SLC26A9: variants seen among roughly 807,000 people sequenced by gnomAD.
The protein encoded by SLC26A9 is solute carrier family 26 member 9, also known as anion transporter/exchanger protein 9.
SLC26A9 carries 46 observed loss-of-function variants against 87.1 expected under a neutral mutation model. The ratio of observed to expected loss-of-function variants is 0.53; its 90% CI spans 0.42 to 0.67. The LOEUF (loss-of-function observed/expected upper bound fraction) is 0.67, where lower values mean the gene tolerates loss of function less well. Ranked by LOEUF, SLC26A9 falls within the 30% of genes least tolerant of loss-of-function variation. SLC26A9 has a pLI of 0.00. For missense variants in SLC26A9, 927 were observed against 1,018.3 expected (o/e 0.91, Z 1.22); for synonymous variants, 437 against 409.1 (o/e 1.07, Z -0.82).
At chr1:205,934,974 C>T (rs1416124915) in intron 2 of SLC26A9, among the ~76,000 whole-genome samples, 1 of 152,196 alleles carries the variant, frequency 6.6e-6, no homozygotes, top group Non-Finnish European at 1.5e-5. Context: ...CAGCCGTTTC[C>T]CCAAGGGAGT....
At chr1:205,920,962 C>T (rs776467536) in intron 17 of SLC26A9, among the ~76,000 whole-genome samples, 5 of 152,246 alleles carry the variant, frequency 3.3e-5, no homozygotes, top group African/African-American at 1.2e-4. Context: ...GGGTATGGGG[C>T]CTGCCCTGCG....
chr1:205,921,076 C>T (rs547606859), intron 17 of SLC26A9, among the ~76,000 whole-genome samples: 3 of 152,362 alleles, frequency 2.0e-5, no homozygotes, highest in South Asian at 4.1e-4. Context: ...CCGCCATTGG[C>T]GGTGGCTGCT....
chr1:205,916,029 T>C (rs1658577603), intron 20 of SLC26A9, among the ~76,000 whole-genome samples: 1 of 152,200 alleles, frequency 6.6e-6, no homozygotes. Flanking sequence ...ATTCAGGGCA[T>C]TGGTGGGGTG....
At chr1:205,921,483 A>G (rs1658824204) in intron 17 of SLC26A9, 83 bp downstream of exon 17, 1 of 1,490,778 alleles carries the variant, frequency 6.7e-7, no homozygotes, top group Admixed American at 2.1e-5. Flanking sequence ...GCTTCCTGAA[A>G]TGAGGGCTCC....
intron 2 of SLC26A9, 116 bp downstream of exon 2, chr1:205,935,580 C>T (rs1659476493): frequency 1.4e-6 from 2 of 1,479,234 alleles, no homozygotes; most frequent in African/African-American, 1.4e-5. Context: ...ACCTCACTTC[C>T]CCAGGGCTTC....
Position 205,929,948 on chromosome 1 carries a change from T to G in SLC26A9, c.661A>C (p.Lys221Gln). 1 of 1,613,730 alleles carries G rather than the reference T, an allele frequency of 6.2e-7. No individual in the cohort carries two copies. Among genetic ancestry groups the G allele is most frequent in the Non-Finnish European group, 8.5e-7 (1 of 1,179,680 alleles). Residue 221 changes from lysine (K) to glutamine (Q), a missense_variant, in exon 6 of 21, where the codon AAG (lysine) becomes CAG (glutamine). By Grantham distance (53) the Lys-to-Gln change is moderately conservative (BLOSUM62 1). Coordinates refer to ENST00000367135, the MANE Select transcript of SLC26A9 (RefSeq NM_052934.4). The part of the protein sequence containing the change: ...AGLQILISVL[K>Q]YIFGLTIPSY... ...GGGATGGTCAGTCCGAAGATGTACT[T>G]GAGCACCGAAATCAGGATCTGCAGG...
At position 205,915,180 on chromosome 1, in the gene SLC26A9, C is replaced by T; in HGVS notation, c.*177G>A. 1 of 1,611,680 alleles carries T rather than the reference C, an allele frequency of 6.2e-7. No individual in the cohort carries two copies. The highest frequency in any genetic ancestry group is 8.5e-7 in the Non-Finnish European group (1 of 1,178,266). Reference sequence around the variant, plus strand: ...AGCACCCCCCTGCTGCTGAGAGGCTCTCTCTGGAGATGCGGGGAGGGAAGG... The same window carrying T: ...AGCACCCCCCTGCTGCTGAGAGGCTTTCTCTGGAGATGCGGGGAGGGAAGG... On this transcript the variant is annotated 3_prime_UTR_variant, in exon 21 of 21. Coordinates refer to ENST00000367135, the MANE Select transcript of SLC26A9 (RefSeq NM_052934.4).
chr1:205,932,290 G>A (rs554174882), intron 4 of SLC26A9, among the ~76,000 whole-genome samples: 110 of 152,322 alleles, frequency 7.2e-4, no homozygotes, highest in Middle Eastern at 6.8e-3. Context: ...TATAAGCAGA[G>A]CCTGAACCAG....
chr1:205,921,878 G>C, intron 16 of SLC26A9, 31 bp from the exon 17 acceptor site: 1 of 1,589,238 alleles, frequency 6.3e-7, no homozygotes, highest in Non-Finnish European at 8.5e-7. Context: ...GGCAGAGTCA[G>C]GGACCACCAG....
intron 2 of SLC26A9, among the ~76,000 whole-genome samples, chr1:205,934,718 G>T (rs546770671): frequency 9.2e-5 from 14 of 152,316 alleles, no homozygotes; most frequent in African/African-American, 3.4e-4. Context: ...GACAATAGCA[G>T]ATCTTCTCAT....
chr1:205,914,974 G>C lies in SLC26A9; in HGVS notation c.*383C>G. 1 of 1,614,208 alleles carries C rather than the reference G, an allele frequency of 6.2e-7. No homozygotes were observed. Among genetic ancestry groups the C allele is most frequent in the Non-Finnish European group, 8.5e-7 (1 of 1,180,040 alleles). ...TTTTTGAAGCTTGTACAGCAGGCCA[G>C]CACAGTTGTACTTGTCCTTCTGTTT... On this transcript the variant is annotated 3_prime_UTR_variant, in exon 21 of 21. Transcript: ENST00000367135.
chr1:205,924,577 G>T, intron 12 of SLC26A9, 88 bp from the exon 13 acceptor site: 1 of 1,116,156 alleles, frequency 9.0e-7, no homozygotes, highest in Non-Finnish European at 1.3e-6. Context: ...GCCATTCTCT[G>T]TTAGTACAAC....
intron 5 of SLC26A9, among the ~76,000 whole-genome samples, chr1:205,931,637 T>C (rs1282200720): frequency 6.6e-6 from 1 of 151,978 alleles, no homozygotes; most frequent in Non-Finnish European, 1.5e-5. Context: ...TGGATTATTT[T>C]TGTATTTTTG....
Position 205,930,072 on chromosome 1 carries a change from G to C in SLC26A9, c.553-16C>G. On this transcript the variant is annotated splice_polypyrimidine_tract_variant and intron_variant, in intron 5 of 20. Coordinates refer to ENST00000367135, the MANE Select transcript of SLC26A9 (RefSeq NM_052934.4). ...CCAGACCCATCTGAGAGGAGGAAAA[G>C]GGTGGTTGGTGGCGGAAGACCAATG... The C allele has an allele frequency of 6.3e-7, 1 of 1,583,980 alleles. No homozygotes were observed. Among genetic ancestry groups the C allele is most frequent in the African/African-American group, 1.3e-5 (1 of 74,398 alleles).
At chr1:205,937,524 C>T (rs1057385103) in intron 1 of SLC26A9, among the ~76,000 whole-genome samples, 1 of 152,154 alleles carries the variant, frequency 6.6e-6, no homozygotes, top group Non-Finnish European at 1.5e-5. Context: ...TAATAACAGT[C>T]GCAGGCAGAT....
At chr1:205,925,712 C>T (rs1246109427) in intron 12 of SLC26A9, among the ~76,000 whole-genome samples, 1 of 152,214 alleles carries the variant, frequency 6.6e-6, no homozygotes, top group Non-Finnish European at 1.5e-5. Context: ...TTAATCCAGA[C>T]TCTACCACTC....
At chr1:205,931,611 C>T (rs915184302) in intron 5 of SLC26A9, among the ~76,000 whole-genome samples, 5 of 151,780 alleles carry the variant, frequency 3.3e-5, no homozygotes, top group Admixed American at 6.6e-5. Context: ...GGACTACAGG[C>T]GCATACTACC....
At chr1:205,943,207 G>A (rs1454864517) in intron 1 of SLC26A9, among the ~76,000 whole-genome samples, 158 bp downstream of exon 1, 3 of 151,510 alleles carry the variant, frequency 2.0e-5, no homozygotes, top group Non-Finnish European at 2.9e-5. Context: ...GAAGGGCTGG[G>A]AGGCTGCTCT....
intron 17 of SLC26A9, among the ~76,000 whole-genome samples, chr1:205,920,843 T>C (rs1220569170): frequency 1.3e-5 from 2 of 152,196 alleles, no homozygotes; most frequent in Non-Finnish European, 2.9e-5. Context: ...CTTTGTGGCT[T>C]CAGACAGAAG....
Sources: gnomAD v4.1 joint callset for allele counts (sites outside exome capture counted in the v4.1 genomes callset) on GRCh38, gnomAD v4.1.1 for gene constraint, MANE v1.5 for transcripts, NCBI Gene and HGNC (gene_info 2026-07-23, HGNC 2026-07-21) for gene names.